AFF3: variants seen among roughly 807,000 people sequenced by gnomAD.
AFF3 encodes the protein AF4/FMR2 family member 3.
Under a neutral mutation model 129.7 loss-of-function variants are expected in AFF3, and 32 were observed. The ratio of observed to expected loss-of-function variants is 0.25; its 90% CI spans 0.19 to 0.33. The LOEUF is 0.33. Among genes scored for constraint, AFF3 ranks in the 10% least tolerant of loss-of-function variants. The pLI, the probability that AFF3 is intolerant of heterozygous loss-of-function variation, is 1.00. For synonymous variants in AFF3, 644 were observed against 635.4 expected (o/e 1.01, Z -0.20); for missense variants, 1,373 against 1,592.0 (o/e 0.86, Z 2.34).
intron 7 of AFF3, among the ~76,000 whole-genome samples, chr2:99,960,198 T>C (rs1293570578): frequency 6.6e-6 from 1 of 152,202 alleles, no homozygotes; most frequent in Admixed American, 6.5e-5. Flanking sequence ...AAACGAAATG[T>C]GAAAATGTAT....
At chr2:100,105,415 T>C in intron 3 of AFF3, 89 bp downstream of exon 3, 6 of 1,312,268 alleles carry the variant, frequency 4.6e-6, no homozygotes, top group South Asian at 2.5e-5. Flanking sequence ...GGACCTGCTC[T>C]CCGTTGCGGT....
At chr2:100,118,324 G>A (rs964406830) in intron 2 of AFF3, among the ~76,000 whole-genome samples, 1 of 152,188 alleles carries the variant, frequency 6.6e-6, no homozygotes, top group Non-Finnish European at 1.5e-5. Flanking sequence ...TGGGCTAAGA[G>A]CACAAGATTT....
In AFF3 at chr2:99,883,522, G is replaced by A. The variant is rs143705338; in HGVS notation, c.874-45998C>T. Reference sequence around the variant, plus strand: ...AGCCTTTAAGAATAAATTCTCTTCTGAATTAACATCTCAGAGTCATTAATC... The same window carrying A: ...AGCCTTTAAGAATAAATTCTCTTCTAAATTAACATCTCAGAGTCATTAATC... On this transcript the variant is annotated intron_variant, in intron 7 of 24. Coordinates refer to ENST00000672756, the MANE Select transcript of AFF3 (RefSeq NM_001386135.1). Among the ~76,000 whole-genome samples, 41 of 152,288 alleles carry A rather than the reference G, an allele frequency of 2.7e-4. 1 individual carries two copies. In the East Asian group the frequency reaches 7.5e-3, roughly 28 times the overall value.
At chr2:100,031,469 C>T (rs1422661825) in intron 4 of AFF3, among the ~76,000 whole-genome samples, 1 of 152,100 alleles carries the variant, frequency 6.6e-6, no homozygotes, top group East Asian at 1.9e-4. Context: ...TTAGTATACA[C>T]ACATGTATTT....
chr2:100,132,901 C>G (rs1202697316), intron 1 of AFF3, among the ~76,000 whole-genome samples: 1 of 149,942 alleles, frequency 6.7e-6, no homozygotes, highest in East Asian at 2.0e-4. Flanking sequence ...GAAATTAGGT[C>G]AATGGGTTGG....
chr2:99,797,648 A>G (rs1040402667), intron 8 of AFF3, among the ~76,000 whole-genome samples: 10 of 152,122 alleles, frequency 6.6e-5, no homozygotes, highest in African/African-American at 2.4e-4. Flanking sequence ...GCTCAAAACC[A>G]GTGGTAAAAG....
At chr2:99,557,794 C>G (rs1675085404) in intron 22 of AFF3, among the ~76,000 whole-genome samples, 1 of 152,126 alleles carries the variant, frequency 6.6e-6, no homozygotes, top group Non-Finnish European at 1.5e-5. Flanking sequence ...ACCCCAGGAA[C>G]CCCCAGCACA....
chr2:99,777,781 T>C (rs1684024419), intron 8 of AFF3, among the ~76,000 whole-genome samples: 1 of 151,826 alleles, frequency 6.6e-6, no homozygotes, highest in Non-Finnish European at 1.5e-5. Context: ...CTGTAGGCCA[T>C]GTCTTCATGC....
intron 8 of AFF3, among the ~76,000 whole-genome samples, chr2:99,760,971 G>C (rs867169710): frequency 1.3e-5 from 2 of 151,494 alleles, no homozygotes; most frequent in South Asian, 4.2e-4. Context: ...AAGTTGCCCG[G>C]GCTGGCCTCA....
chr2:99,605,275 G>A (rs1680216118), intron 13 of AFF3, among the ~76,000 whole-genome samples: 1 of 152,156 alleles, frequency 6.6e-6, no homozygotes, highest in Admixed American at 6.5e-5. Context: ...CAAGAGTTTA[G>A]GTTTTTCTTC....
chr2:99,655,185 G>A (rs1685632577), intron 12 of AFF3, among the ~76,000 whole-genome samples: 1 of 149,764 alleles, frequency 6.7e-6, no homozygotes, highest in Non-Finnish European at 1.5e-5. Flanking sequence ...TGTGCTTAGT[G>A]TCTAGAGGTG....
At chr2:100,018,061 ATTC>A (rs1683285093) in intron 4 of AFF3, among the ~76,000 whole-genome samples, 1 of 151,804 alleles carries the variant, frequency 6.6e-6, no homozygotes, top group East Asian at 1.9e-4. Flanking sequence ...AATTTTAAGA[ATTC>A]TTCTAAAACC....
At chr2:99,695,602 C>T (rs961154201) in intron 11 of AFF3, among the ~76,000 whole-genome samples, 3 of 152,154 alleles carry the variant, frequency 2.0e-5, no homozygotes, top group African/African-American at 7.2e-5. Context: ...AGGGCTGCCA[C>T]ACAGGACAGA....
At chr2:99,755,570 A>G (rs1323732286) in intron 8 of AFF3, among the ~76,000 whole-genome samples, 2 of 151,936 alleles carry the variant, frequency 1.3e-5, no homozygotes, top group African/African-American at 2.4e-5. Context: ...CCCGGCCCCT[A>G]TTGGTTTTTT....
At chr2:100,126,933 G>A (rs959948339) in intron 2 of AFF3, among the ~76,000 whole-genome samples, 2 of 152,190 alleles carry the variant, frequency 1.3e-5, no homozygotes, top group African/African-American at 2.4e-5. Flanking sequence ...AATTAAACTT[G>A]TTTAAAGTCT....
intron 7 of AFF3, among the ~76,000 whole-genome samples, chr2:99,888,734 G>T (rs1444256581): frequency 1.3e-5 from 2 of 151,814 alleles, no homozygotes; most frequent in African/African-American, 4.8e-5. Flanking sequence ...TAAGCATGCA[G>T]CTGTCTTTGT....
At chr2:99,610,640 T>C (rs1001714951) in intron 13 of AFF3, among the ~76,000 whole-genome samples, 6 of 152,228 alleles carry the variant, frequency 3.9e-5, no homozygotes, top group African/African-American at 1.4e-4. Flanking sequence ...ATAAGGCTGA[T>C]ATGAATATTT....
At chr2:100,087,553 T>A (rs1689544352) in intron 4 of AFF3, among the ~76,000 whole-genome samples, 1 of 151,918 alleles carries the variant, frequency 6.6e-6, no homozygotes, top group African/African-American at 2.4e-5. Context: ...AAATCTCTTT[T>A]GAGATTTGAT....
chr2:99,984,456 C>T (rs1679682446), intron 7 of AFF3, among the ~76,000 whole-genome samples: 1 of 152,162 alleles, frequency 6.6e-6, no homozygotes, highest in Non-Finnish European at 1.5e-5. Flanking sequence ...CCTTCTGTGG[C>T]AGCCTGGACC....
Sources: allele counts gnomAD v4.1 joint callset (sites outside exome capture counted in the v4.1 genomes callset), GRCh38; gene constraint gnomAD v4.1.1; transcripts MANE v1.5; gene names NCBI Gene and HGNC (gene_info 2026-07-23, HGNC 2026-07-21).